Variants in CREB5 observed in about 807,000 individuals in gnomAD.
CREB5 encodes the protein cAMP responsive element binding protein 5, also known as cyclic AMP-responsive element-binding protein 5.
CREB5 carries 19 observed loss-of-function variants against 57.1 expected under a neutral mutation model. The observed-to-expected ratio is 0.33, with a 90% confidence interval of 0.23 to 0.49. The LOEUF (loss-of-function observed/expected upper bound fraction) is 0.49, where lower values mean the gene tolerates loss of function less well. Ranked by LOEUF, CREB5 falls within the 20% of genes least tolerant of loss-of-function variation. The probability of loss-of-function intolerance (pLI) is 0.99; values close to 1 mark genes in which losing one functional copy is unlikely to be tolerated. For missense variants in CREB5, 579 were observed against 671.6 expected (o/e 0.86, Z 1.52); for synonymous variants, 238 against 238.3 (o/e 1.00, Z 0.01).
intron 1 of CREB5, among the ~76,000 whole-genome samples, chr7:28,429,695 C>T (rs1366464299): frequency 2.6e-5 from 4 of 152,204 alleles, no homozygotes; most frequent in African/African-American, 9.6e-5. Flanking sequence ...ATATAAACTT[C>T]CTAATGAAAA....
chr7:28,673,761 C>T (rs1800178922), intron 5 of CREB5, among the ~76,000 whole-genome samples: 1 of 143,994 alleles, frequency 6.9e-6, no homozygotes, highest in Non-Finnish European at 1.5e-5. Context: ...CAACCTCCAC[C>T]TACTTAGGCT....
In CREB5 at chr7:28,819,176, A is replaced by G. The variant is rs769435700; in HGVS notation, c.1424A>G (p.Gln475Arg). 1.2e-6 allele frequency: 2 copies of G among 1,613,656 alleles called. No individual in the cohort carries two copies. The highest frequency in any genetic ancestry group is 1.7e-6 in the Non-Finnish European group (2 of 1,179,826). ...VPACSQQQVI[Q>R]HNTITTSSSV... ...GCTTGCTCCCAGCAACAAGTCATCC[A>G]GCATAATACCATCACTACTTCCTCA... is the stretch of plus-strand genomic sequence containing the variant. The change falls in exon 11 of 11, where the codon CAG (glutamine) becomes CGG (arginine). Residue 475 changes from glutamine to arginine, a missense_variant. Transcript: ENST00000357727.
chr7:28,508,409 A>T (rs1053514447), intron 4 of CREB5, among the ~76,000 whole-genome samples: 1 of 152,254 alleles, frequency 6.6e-6, no homozygotes, highest in Admixed American at 6.5e-5. Flanking sequence ...CATTGTTATT[A>T]TACAGCATTA....
At chr7:28,483,566 C>T (rs767179588) in intron 1 of CREB5, among the ~76,000 whole-genome samples, 3 of 152,040 alleles carry the variant, frequency 2.0e-5, no homozygotes, top group Non-Finnish European at 4.4e-5. Context: ...AAATGAGTAC[C>T]GTTTAGAAAA....
chr7:28,696,464 G>T (rs1020425843), intron 5 of CREB5, among the ~76,000 whole-genome samples: 1 of 152,064 alleles, frequency 6.6e-6, no homozygotes, highest in Non-Finnish European at 1.5e-5. Context: ...CCTTTGAAAT[G>T]GGCCAGTGTT....
intron 8 of CREB5, among the ~76,000 whole-genome samples, chr7:28,805,138 C>T (rs1808634914): frequency 6.6e-6 from 1 of 152,108 alleles, no homozygotes; most frequent in African/African-American, 2.4e-5. Context: ...TTGGAGGGAA[C>T]AGAAAGAGAG....
intron 5 of CREB5, among the ~76,000 whole-genome samples, chr7:28,664,077 ATGCTGATGC>A (rs1229844315): frequency 6.6e-6 from 1 of 152,246 alleles, no homozygotes; most frequent in Admixed American, 6.5e-5. Context: ...TCCTTAGGTG[ATGCTGATGC>A]TGCTGGTCCC....
intron 5 of CREB5, among the ~76,000 whole-genome samples, chr7:28,616,426 C>T (rs1797598445): frequency 6.6e-6 from 1 of 152,118 alleles, no homozygotes; most frequent in Non-Finnish European, 1.5e-5. Context: ...AATACTTCTT[C>T]AAGCGTGTGA....
At chr7:28,313,399 A>G (rs932195441) in intron 1 of CREB5, among the ~76,000 whole-genome samples, 1 of 152,194 alleles carries the variant, frequency 6.6e-6, no homozygotes, top group Non-Finnish European at 1.5e-5. Context: ...GTAGAGTTAA[A>G]TTTTATTCAT....
chr7:28,452,468 T>TCC (rs1789870182), intron 1 of CREB5, among the ~76,000 whole-genome samples: 3 of 152,172 alleles, frequency 2.0e-5, no homozygotes, highest in African/African-American at 7.2e-5. Context: ...TAATGTGTAT[T>TCC]TGTATCAGTC....
At chr7:28,660,936 C>T (rs1371536321) in intron 5 of CREB5, among the ~76,000 whole-genome samples, 1 of 152,142 alleles carries the variant, frequency 6.6e-6, no homozygotes, top group Non-Finnish European at 1.5e-5. Flanking sequence ...TTTGCCAGGC[C>T]TTGAAGGTTC....
In CREB5 at chr7:28,325,655, C is replaced by G. The variant is rs1168093279; in HGVS notation, c.-25+26214C>G. Among the ~76,000 whole-genome samples the G allele has an allele frequency of 2.0e-5, 3 of 152,228 alleles. No homozygotes were observed. The East Asian group carries it at 5.8e-4, about 30-fold the overall frequency. ...CCACTCTGGCCTTTTCTTTGTTCCT[C>G]TAATATGCCAAGGTCATCTTAACTA... On this transcript the variant is annotated intron_variant, in intron 1 of 9. Coordinates refer to the CREB5 transcript ENST00000396299.
Position 28,400,766 on chromosome 7 carries a change from G to A in CREB5, c.-24-94140G>A, listed in dbSNP as rs190101215. Among the ~76,000 whole-genome samples the A allele has an allele frequency of 9.5e-4, 145 of 152,248 alleles. No individual in the cohort carries two copies. The Middle Eastern group carries it at 0.014, about 14-fold the overall frequency. On this transcript the variant is annotated intron_variant, in intron 1 of 9. Transcript: ENST00000396299. ...AATTCTCAAGAATCATTTTAAAAAG[G>A]TACTTATAAATGCCCCTAAAGAGAT...
chr7:28,761,764 A>T (rs1363628548), intron 7 of CREB5, among the ~76,000 whole-genome samples: 1 of 151,324 alleles, frequency 6.6e-6, no homozygotes, highest in Non-Finnish European at 1.5e-5. Flanking sequence ...CATTTGTTTT[A>T]TGGAAATATT....
intron 1 of CREB5, among the ~76,000 whole-genome samples, chr7:28,482,622 G>A (rs1314190451): frequency 6.6e-6 from 1 of 152,190 alleles, no homozygotes; most frequent in Non-Finnish European, 1.5e-5. Context: ...GATCTGTTTC[G>A]TGTGAGTCCT....
rs1044691866 is a variant in CREB5, at chr7:28,819,035, G to A, written c.1364-81G>A. ...AGTAAATATCTAGTACAGTTTCTCT[G>A]AGGAGTCCACAAGTCCATACAAAAA... On this transcript the variant is annotated intron_variant, in intron 10 of 10. Coordinates refer to ENST00000357727, the MANE Select transcript of CREB5 (RefSeq NM_182898.4). 7 of 1,427,264 alleles carry A rather than the reference G, an allele frequency of 4.9e-6. No individual in the cohort carries two copies. The African/African-American group carries it at 8.6e-5, about 18-fold the overall frequency. The allele number at this position is 1,427,264 out of a possible 1,614,324, so 88.4% of individuals were successfully genotyped here.
intron 7 of CREB5, among the ~76,000 whole-genome samples, chr7:28,757,007 A>G (rs1192773558): frequency 6.6e-6 from 1 of 152,202 alleles, no homozygotes; most frequent in African/African-American, 2.4e-5. Context: ...TATTGTTTAT[A>G]GGTACCAAGT....
At chr7:28,416,502 G>A (rs1211771344) in intron 1 of CREB5, among the ~76,000 whole-genome samples, 3 of 152,138 alleles carry the variant, frequency 2.0e-5, no homozygotes, top group Non-Finnish European at 4.4e-5. Flanking sequence ...ATTAATTCAT[G>A]CATCAGACAG....
rs371350560 is a variant in CREB5 at position 28,790,438 on chromosome 7, GAGAGAGAGAGAGAGAGAGAGAGAT to G, written c.703-13747_703-13724del. Among the ~76,000 whole-genome samples the G allele has an allele frequency of 2.8e-3, 220 of 77,304 alleles. 1 individual carries two copies. Among genetic ancestry groups the G allele is most frequent in the African/African-American group, 9.5e-3 (182 of 19,142 alleles). The allele number at this position is 77,304 out of a possible 152,430, so 50.7% of individuals were successfully genotyped here. A position where few individuals can be genotyped will look rare whatever the true frequency, so the allele number is the denominator to read the frequency against. On this transcript the variant is annotated intron_variant, in intron 7 of 10. Coordinates refer to ENST00000357727, the MANE Select transcript of CREB5 (RefSeq NM_182898.4). The stretch of plus-strand genomic sequence containing the variant: ...CAGAAGAAAGAAAGAAAGAGAGAGA[GAGAGAGAGAGAGAGAGAGAGAGAT>G]AGAGAGAGAGAGAAAGAAAGAAAGA...
Sources: allele counts gnomAD v4.1 joint callset (sites outside exome capture counted in the v4.1 genomes callset), GRCh38; gene constraint gnomAD v4.1.1; transcripts MANE v1.5; gene names NCBI Gene and HGNC (gene_info 2026-07-23, HGNC 2026-07-21).